The following WDR41 variants were observed in gnomAD, a reference collection of about 807,000 sequenced individuals.
WDR41 encodes WD repeat-containing protein 41.
WDR41 carries 63 observed loss-of-function variants against 69.3 expected under a neutral mutation model. The observed-to-expected ratio is 0.91, with a 90% CI of 0.74 to 1.12. WDR41 has a LOEUF of 1.12. Ranked by LOEUF, WDR41 falls within the 50% of genes most tolerant of loss-of-function variation. The probability of loss-of-function intolerance (pLI) is 0.00; values close to 1 mark genes in which losing one functional copy is unlikely to be tolerated. For synonymous variants in WDR41, 185 were observed against 192.1 expected (o/e 0.96, Z 0.31); for missense variants, 543 against 534.5 (o/e 1.02, Z -0.16).
intron 5 of WDR41, 164 bp downstream of exon 5, chr5:77,458,898 A>G: frequency 1.9e-6 from 1 of 514,020 alleles, no homozygotes; most frequent in Non-Finnish European, 3.5e-6. Flanking sequence ...CACTTAATAC[A>G]TGTGCTCTCA....
chr5:77,606,274 G>C (rs919713772), intron 1 of WDR41, among the ~76,000 whole-genome samples: 3 of 152,162 alleles, frequency 2.0e-5, no homozygotes, highest in African/African-American at 7.2e-5. Flanking sequence ...CCAGAAACTG[G>C]TCATAAGGTG....
chr5:77,458,845 T>C, intron 5 of WDR41: 1 of 381,262 alleles, frequency 2.6e-6, no homozygotes. Context: ...TATCTTGCTA[T>C]TGGGATTATC....
intron 6 of WDR41, among the ~76,000 whole-genome samples, chr5:77,453,025 G>C (rs560594084): frequency 6.6e-6 from 1 of 152,186 alleles, no homozygotes; most frequent in Non-Finnish European, 1.5e-5. Flanking sequence ...ATGTTGAACT[G>C]AGTGGTTAAA....
In WDR41 at chr5:77,431,850, A is replaced by G. The variant is rs183968352; in HGVS notation, c.*1285T>C. ...TCTCCATAGAACTTTTCATGACTCA[A>G]TGTTGTTTGGATTTAAAGTAGTCAT... On this transcript the variant is annotated 3_prime_UTR_variant, in exon 13 of 13. Coordinates refer to ENST00000296679, the MANE Select transcript of WDR41 (RefSeq NM_018268.4). The G allele has an allele frequency of 3.3e-5, 5 of 149,468 alleles. No homozygotes were observed. Among genetic ancestry groups the G allele is most frequent in the East Asian group, 2.0e-4 (1 of 5,036 alleles). The allele number at this position is 149,468 out of a possible 1,614,324, so 9.3% of individuals were successfully genotyped here.
At chr5:77,527,154 C>T (rs979142475) in intron 1 of WDR41, among the ~76,000 whole-genome samples, 5 of 151,578 alleles carry the variant, frequency 3.3e-5, no homozygotes, top group Non-Finnish European at 2.9e-5. Context: ...CCAGTAATTG[C>T]GATAAATAAA....
intron 2 of WDR41, among the ~76,000 whole-genome samples, chr5:77,479,702 C>T (rs1391886585): frequency 6.6e-6 from 1 of 152,160 alleles, no homozygotes; most frequent in Non-Finnish European, 1.5e-5. Flanking sequence ...AAACGTTAGA[C>T]CTAAAACCAT....
In WDR41 at chr5:77,475,262, AC is replaced by A. The variant is rs1800853960; in HGVS notation, c.168-10454del. 3.9e-5 allele frequency among the ~76,000 whole-genome samples: 6 copies of A among 152,352 alleles called. No homozygotes were observed. In the South Asian group the frequency reaches 1.2e-3, roughly 32 times the overall value. ...GGGAGGGGCGCCCGCCATTGCCCAGACTTGCTTAGGTAAACACAGCAGCCAG... is the reference window on the plus strand; with the variant it reads ...GGGAGGGGCGCCCGCCATTGCCCAGATTGCTTAGGTAAACACAGCAGCCAG... On this transcript the variant is annotated intron_variant, in intron 2 of 12. Coordinates refer to ENST00000296679, the MANE Select transcript of WDR41 (RefSeq NM_018268.4).
chr5:77,558,213 T>C (rs993243335), intron 1 of WDR41, among the ~76,000 whole-genome samples: 2 of 152,038 alleles, frequency 1.3e-5, no homozygotes, highest in Admixed American at 6.6e-5. Context: ...ACAATTTGTA[T>C]AAAGAAAAAT....
In WDR41 at chr5:77,437,425, C is replaced by T. The variant is rs1353546830; in HGVS notation, c.1005-1G>A. 5.6e-6 allele frequency: 9 copies of T among 1,613,448 alleles called. No homozygotes were observed. Among genetic ancestry groups the T allele is most frequent in the Non-Finnish European group, 7.6e-6 (9 of 1,179,610 alleles). On this transcript the variant is annotated splice_acceptor_variant, in intron 10 of 12. Transcript: ENST00000296679. LOFTEE classifies it high-confidence loss of function. ...ATCTTCTGAGCATGAGATTAACTGC[C>T]TGTCAGAACAGAAAATCAGTAATAC... is the stretch of plus-strand genomic sequence containing the variant.
chr5:77,552,569 C>T (rs368958805), intron 1 of WDR41, among the ~76,000 whole-genome samples: 1 of 151,988 alleles, frequency 6.6e-6, no homozygotes, highest in Non-Finnish European at 1.5e-5. Context: ...AGGCACAGGC[C>T]CTGAATAGCT....
At chr5:77,585,407 C>T (rs935175650) in intron 1 of WDR41, among the ~76,000 whole-genome samples, 5 of 152,206 alleles carry the variant, frequency 3.3e-5, no homozygotes, top group African/African-American at 1.2e-4. Context: ...CTATGGAAAA[C>T]AGTGTGGAGA....
chr5:77,608,971 G>T (rs749889253), intron 1 of WDR41, among the ~76,000 whole-genome samples: 2 of 152,158 alleles, frequency 1.3e-5, no homozygotes, highest in South Asian at 4.1e-4. Flanking sequence ...CTTTTCCGAC[G>T]GGCTTAAAAA....
At chr5:77,563,753 T>C (rs1198503836) in intron 1 of WDR41, among the ~76,000 whole-genome samples, 1 of 152,212 alleles carries the variant, frequency 6.6e-6, no homozygotes, top group African/African-American at 2.4e-5. Context: ...TTTAAAACAT[T>C]ATTTTTATAT....
At chr5:77,619,635 T>C (rs1434551058) in intron 1 of WDR41, among the ~76,000 whole-genome samples, 1 of 152,116 alleles carries the variant, frequency 6.6e-6, no homozygotes, top group Non-Finnish European at 1.5e-5. Flanking sequence ...ACAACAGGAT[T>C]ACCATAGGGA....
At chr5:77,583,841 A>G (rs1743986599) in intron 1 of WDR41, among the ~76,000 whole-genome samples, 1 of 152,210 alleles carries the variant, frequency 6.6e-6, no homozygotes, top group Admixed American at 6.5e-5. Flanking sequence ...CTTTATAAAT[A>G]TGGATGCAAA....
intron 1 of WDR41, among the ~76,000 whole-genome samples, chr5:77,551,141 C>T (rs188202811): frequency 3.2e-4 from 48 of 152,208 alleles, no homozygotes; most frequent in African/African-American, 8.4e-4. Context: ...CATTTGTACC[C>T]GAAACCTCAG....
rs115174285 is a variant in WDR41, at chr5:77,516,003, A to G, written c.43-26431T>C. On this transcript the variant is annotated intron_variant, in intron 1 of 5. Transcript: ENST00000509971. Reference sequence around the variant, plus strand: ...TGCATGTAACATTTTAGTATTCCCAATTTATTTTACAACTGTTTACCAGAA... The same window carrying G: ...TGCATGTAACATTTTAGTATTCCCAGTTTATTTTACAACTGTTTACCAGAA... Among the ~76,000 whole-genome samples the G allele has an allele frequency of 1.9e-4, 29 of 152,240 alleles. No homozygotes were observed. The South Asian group carries it at 5.6e-3, about 29-fold the overall frequency.
At chr5:77,512,355 AGTGT>A (rs111485869) in intron 1 of WDR41, among the ~76,000 whole-genome samples, 19,840 of 118,654 alleles carry the variant, frequency 0.17, 1,564 homozygotes, top group East Asian at 0.34. Context: ...AGAGAGAGTG[AGTGT>A]GTGTGTGTGT....
intron 1 of WDR41, among the ~76,000 whole-genome samples, chr5:77,579,171 G>A (rs894839070): frequency 6.6e-6 from 1 of 152,050 alleles, no homozygotes; most frequent in Admixed American, 6.5e-5. Flanking sequence ...GACTAAGCTT[G>A]CCCAACATGT....
Sources: gnomAD v4.1 joint callset for allele counts (sites outside exome capture counted in the v4.1 genomes callset) on GRCh38, gnomAD v4.1.1 for gene constraint, MANE v1.5 for transcripts, NCBI Gene and HGNC (gene_info 2026-07-23, HGNC 2026-07-21) for gene names.